The following FSIP2 variants were observed in gnomAD, a reference collection of about 807,000 sequenced individuals.
FSIP2 encodes the protein fibrous sheath interacting protein 2.
FSIP2 carries 367 observed loss-of-function variants against 510.5 expected under a neutral mutation model. That is an observed-to-expected ratio of 0.72 (90% confidence interval 0.66 to 0.78). The LOEUF (loss-of-function observed/expected upper bound fraction) is 0.78, where lower values mean the gene tolerates loss of function less well. FSIP2 is among the 30% of genes least tolerant of loss of function. FSIP2 has a pLI of 0.00. For synonymous variants in FSIP2, 2,601 were observed against 2,732.2 expected, an observed-to-expected ratio of 0.95 and a Z score of 1.50; for missense variants, 7,594 against 7,901.7, an observed-to-expected ratio of 0.96 and a Z score of 1.48.
chr2:185,798,320 G>A (rs1693348521), intron 16 of FSIP2, among the ~76,000 whole-genome samples: 1 of 151,816 alleles, frequency 6.6e-6, no homozygotes. Flanking sequence ...TTGCATTCCA[G>A]TATTCTGACT....
chr2:185,793,595 T>C lies in FSIP2; in HGVS notation c.6459T>C (p.Ile2153=). 6.5e-7 allele frequency: 1 copy of C among 1,534,268 alleles called. No homozygotes were observed. The change falls in exon 16 of 23, where the codon ATT becomes ATC. Residue 2153 remains isoleucine, a synonymous_variant. Coordinates refer to ENST00000424728, the MANE Select transcript of FSIP2 (RefSeq NM_173651.4). ...TTTCAGTTCCTAAATCAGATGTCAT[T>C]TTGATATCCAATGATATAGTGAATA... ...PKLSVPKSDV[I]LISNDIVNIV...
intron 19 of FSIP2, among the ~76,000 whole-genome samples, chr2:185,815,884 T>C (rs1312182268): frequency 6.6e-6 from 1 of 151,974 alleles, no homozygotes; most frequent in Non-Finnish European, 1.5e-5. Flanking sequence ...GAGAAAGAAA[T>C]ATAAGTTTTA....
Position 185,791,238 on chromosome 2 carries a change from A to G in FSIP2, c.4102A>G (p.Ser1368Gly). 2.6e-6 allele frequency: 4 copies of G among 1,534,010 alleles called. No individual in the cohort carries two copies. Among genetic ancestry groups the G allele is most frequent in the Non-Finnish European group, 3.5e-6 (4 of 1,145,426 alleles). ...LTCIYDMLLSSENAHQRSISL... is the reference protein window; with the variant it reads ...LTCIYDMLLSGENAHQRSISL... ...CTGTATTTATGATATGTTGTTATCA[A>G]GTGAAAATGCACATCAAAGAAGCAT... Residue 1368 changes from serine to glycine, a missense_variant, in exon 16 of 23, where the codon AGT becomes GGT. Transcript: ENST00000424728.
rs1459050087 is a variant in FSIP2 at position 185,792,843 on chromosome 2, T to A, written c.5707T>A (p.Ser1903Thr). The change falls in exon 16 of 23, where the codon TCT becomes ACT. Residue 1903 changes from serine to threonine, a missense_variant. Transcript: ENST00000424728. ...GGATGAAAATCCATGTACTTTTCAG[T>A]CTAGATTCAGCGTTGCTGACAAGGA... ...ALDENPCTFQ[S>T]RFSVADKETK... is the part of the protein sequence containing the mutation. 1 of 1,534,312 alleles carries A rather than the reference T, an allele frequency of 6.5e-7. No individual in the cohort carries two copies. Among genetic ancestry groups the A allele is most frequent in the African/African-American group, 1.4e-5 (1 of 72,906 alleles).
intron 17 of FSIP2, among the ~76,000 whole-genome samples, chr2:185,810,684 C>A (rs1218255322): frequency 3.3e-5 from 5 of 151,482 alleles, no homozygotes; most frequent in Admixed American, 3.3e-4. Flanking sequence ...GGAACTAGTG[C>A]TGGAAGACAC....
Position 185,782,751 on chromosome 2 carries a change from T to G in FSIP2, c.1458T>G (p.Val486=), listed in dbSNP as rs1209456435. The G allele has an allele frequency of 2.2e-5, 33 of 1,489,020 alleles. No homozygotes were observed. The East Asian group carries it at 8.1e-4, about 37-fold the overall frequency. The allele number at this position is 1,489,020 out of a possible 1,614,324, so 92.2% of individuals were successfully genotyped here. A position where few individuals can be genotyped will look rare whatever the true frequency, so the allele number is the denominator to read the frequency against. Reference sequence around the variant, plus strand: ...ACCCGGGTATATTTTCTTCTCCTGTTTACACAAATATGTAAGTACCTAAGG... The same window carrying G: ...ACCCGGGTATATTTTCTTCTCCTGTGTACACAAATATGTAAGTACCTAAGG... The part of the protein sequence containing the change: ...ATDPGIFSSP[V]YTNMQQNLLQ... The change falls in exon 14 of 23, where the codon GTT becomes GTG. Residue 486 remains valine (V), a synonymous_variant. Coordinates refer to ENST00000424728, the MANE Select transcript of FSIP2 (RefSeq NM_173651.4).
Position 185,795,764 on chromosome 2 carries a change from A to G in FSIP2, c.8628A>G (p.Leu2876=). The change falls in exon 16 of 23, where the codon TTA becomes TTG. Residue 2876 remains leucine, a synonymous_variant. Coordinates refer to ENST00000424728, the MANE Select transcript of FSIP2 (RefSeq NM_173651.4). ...LTEISIKAKE[L]EYSLSLLNLP... ...AAATTTCAATAAAAGCAAAAGAATT[A>G]GAATATTCTCTTTCACTTTTAAATT... 2.0e-6 allele frequency: 3 copies of G among 1,533,472 alleles called. No homozygotes were observed. Among genetic ancestry groups the G allele is most frequent in the Non-Finnish European group, 8.7e-7 (1 of 1,144,956 alleles). 95.0% of individuals were successfully genotyped at this position (1,533,472 alleles called of 1,614,324 possible). A position where few individuals can be genotyped will look rare whatever the true frequency, so the allele number is the denominator to read the frequency against.
chr2:185,773,591 TTTTA>T (rs1299775004), intron 13 of FSIP2, among the ~76,000 whole-genome samples: 8 of 152,324 alleles, frequency 5.3e-5, no homozygotes, highest in African/African-American at 1.7e-4. Flanking sequence ...TTTGAGATTA[TTTTA>T]TTTGTCTGTA....
rs752192983 is a variant in FSIP2 at position 185,796,878 on chromosome 2, G to T, written c.9742G>T (p.Glu3248Ter). The change falls in exon 16 of 23, where the codon GAA becomes TAA. Residue 3248 changes from glutamate (E) to a stop codon, truncating the protein, a stop_gained. Coordinates refer to ENST00000424728, the MANE Select transcript of FSIP2 (RefSeq NM_173651.4). LOFTEE classifies it high-confidence loss of function. ...RNKVQDHRPR[E>*]SNFGSFDQTM... is the part of the protein sequence containing the mutation. The stretch of plus-strand genomic sequence containing the variant: ...CAAAGTACAAGACCACAGACCAAGG[G>T]AATCTAACTTTGGTAGTTTTGATCA... 2 of 1,534,852 alleles carry T rather than the reference G, an allele frequency of 1.3e-6. No individual in the cohort carries two copies. Among genetic ancestry groups the T allele is most frequent in the Non-Finnish European group, 1.7e-6 (2 of 1,146,118 alleles).
chr2:185,747,498 A>C, intron 7 of FSIP2, 75 bp downstream of exon 7: 3 of 737,710 alleles, frequency 4.1e-6, no homozygotes, highest in Middle Eastern at 2.4e-4. Flanking sequence ...AGTACAAATC[A>C]CTTTGTGAGA....
At chr2:185,772,009 C>T (rs1406305888) in intron 13 of FSIP2, among the ~76,000 whole-genome samples, 1 of 152,166 alleles carries the variant, frequency 6.6e-6, no homozygotes, top group Non-Finnish European at 1.5e-5. Flanking sequence ...TTCAACCTTC[C>T]ACAAATGCCC....
intron 2 of FSIP2, 121 bp downstream of exon 2, chr2:185,739,592 A>C: frequency 1.1e-6 from 1 of 884,456 alleles, no homozygotes. Flanking sequence ...GAAAAAGAAA[A>C]TCCCACATCT....
chr2:185,802,175 TAG>T lies in FSIP2; in HGVS notation c.12872_12873del (p.Glu4291ValfsTer15). On this transcript the variant is annotated frameshift_variant, in exon 17 of 23. Coordinates refer to ENST00000424728, the MANE Select transcript of FSIP2 (RefSeq NM_173651.4). LOFTEE classifies it high-confidence loss of function. The stretch of plus-strand genomic sequence containing the variant: ...GTTACACAGGTTCTGAGTGAAGTGA[TAG>T]AGTCACACAGACCTCAGAAGCAATC... 1 of 1,533,302 alleles carries T rather than the reference TAG, an allele frequency of 6.5e-7. No homozygotes were observed. The highest frequency in any genetic ancestry group is 2.0e-5 in the Admixed American group (1 of 50,796). The allele number at this position is 1,533,302 out of a possible 1,614,324, so 95.0% of individuals were successfully genotyped here. A position where few individuals can be genotyped will look rare whatever the true frequency, so the allele number is the denominator to read the frequency against.
rs1399700779 is a variant in FSIP2 at position 185,745,643 on chromosome 2, G to T, written c.617+75G>T. On this transcript the variant is annotated intron_variant, in intron 5 of 22. Transcript: ENST00000424728. ...AAGCTGGAAAATACTAGAAAGAATT[G>T]AAGACAATTTAAGTACTGGACACCA... 11 of 1,300,796 alleles carry T rather than the reference G, an allele frequency of 8.5e-6. No individual in the cohort carries two copies. The Admixed American group carries it at 2.8e-4, about 33-fold the overall frequency. The allele number at this position is 1,300,796 out of a possible 1,614,324, so 80.6% of individuals were successfully genotyped here.
In FSIP2 at chr2:185,809,222, G is replaced by A. The variant is rs957142822; in HGVS notation, c.19827+89G>A. ...CTTCCTCAAATAAGTATATGGAAAT[G>A]CATTCATTGTTGTTGGTGTTTCTCA... is the stretch of plus-strand genomic sequence containing the variant. On this transcript the variant is annotated intron_variant, in intron 17 of 22. Coordinates refer to ENST00000424728, the MANE Select transcript of FSIP2 (RefSeq NM_173651.4). The A allele has an allele frequency of 1.0e-5, 14 of 1,379,592 alleles. No homozygotes were observed. The South Asian group carries it at 2.0e-4, about 20-fold the overall frequency. The allele number at this position is 1,379,592 out of a possible 1,614,324, so 85.5% of individuals were successfully genotyped here.
chr2:185,806,075 T>A lies in FSIP2; in HGVS notation c.16769T>A (p.Ile5590Asn), dbSNP rs1318731934. ...DEIYTHFSLI[I>N]DDTEYEKEVL... ...ATATACACACATTTTTCATTAATAA[T>A]TGATGATACAGAATATGAGAAGGAA... The change falls in exon 17 of 23, where the codon ATT becomes AAT. Residue 5590 changes from isoleucine (I) to asparagine (N), a missense_variant. Physicochemically the swap from Ile to Asn is moderately radical, Grantham distance 149 (BLOSUM62 -3). Coordinates refer to ENST00000424728, the MANE Select transcript of FSIP2 (RefSeq NM_173651.4). The A allele has an allele frequency of 1.9e-6, 3 of 1,567,614 alleles. No individual in the cohort carries two copies. Among genetic ancestry groups the A allele is most frequent in the South Asian group, 2.4e-5 (2 of 83,940 alleles).
In FSIP2 at chr2:185,816,171, A is replaced by G. The variant is rs116105207; in HGVS notation, c.20426+700A>G. 6.7e-3 allele frequency among the ~76,000 whole-genome samples: 989 copies of G among 147,006 alleles called. 12 individuals carry two copies. The highest frequency in any genetic ancestry group is 0.023 in the African/African-American group (908 of 39,666). ...TAACATTTTTTATTTGGGGAGAAGTACTCATGTTATACACAGAAAAATCTA... is the reference window on the plus strand; with the variant it reads ...TAACATTTTTTATTTGGGGAGAAGTGCTCATGTTATACACAGAAAAATCTA... On this transcript the variant is annotated intron_variant, in intron 19 of 22. Transcript: ENST00000424728.
intron 13 of FSIP2, among the ~76,000 whole-genome samples, chr2:185,772,546 C>G (rs1467121866): frequency 6.6e-6 from 1 of 152,110 alleles, no homozygotes; most frequent in Non-Finnish European, 1.5e-5. Flanking sequence ...CTCTTTTAAA[C>G]AGCCAGTTCT....
chr2:185,791,452 C>G lies in FSIP2; in HGVS notation c.4316C>G (p.Thr1439Arg), dbSNP rs192957612. ...KLQVLERIGE[T>R]LHEMLSKLLG... Reference sequence around the variant, plus strand: ...CAAGTGTTAGAAAGAATTGGGGAAACACTACATGAAATGTTAAGCAAGCTC... The same window carrying G: ...CAAGTGTTAGAAAGAATTGGGGAAAGACTACATGAAATGTTAAGCAAGCTC... The change falls in exon 16 of 23, where the codon ACA (threonine) becomes AGA (arginine). Residue 1439 changes from threonine (T) to arginine (R), a missense_variant. Transcript: ENST00000424728. The G allele has an allele frequency of 5.5e-3, 8,437 of 1,534,156 alleles. 40 individuals are homozygous for G. Among genetic ancestry groups the G allele is most frequent in the Non-Finnish European group, 6.5e-3 (7,467 of 1,145,572 alleles).
Sources: gnomAD v4.1 joint callset for allele counts (sites outside exome capture counted in the v4.1 genomes callset) on GRCh38, gnomAD v4.1.1 for gene constraint, MANE v1.5 for transcripts, NCBI Gene and HGNC (gene_info 2026-07-23, HGNC 2026-07-21) for gene names.